TSPAN4: variants seen among roughly 807,000 people sequenced by gnomAD.
The protein encoded by TSPAN4 is tetraspanin-4.
In TSPAN4, 38 loss-of-function variants were observed where a neutral mutation model predicts 31.5. The observed-to-expected ratio is 1.21, with a 90% CI of 0.93 to 1.58. TSPAN4 has a LOEUF of 1.58. Ranked by LOEUF, TSPAN4 falls within the 40% of genes most tolerant of loss-of-function variation. The pLI, the probability that TSPAN4 is intolerant of heterozygous loss-of-function variation, is 0.00. For synonymous variants in TSPAN4, 186 were observed against 144.6 expected (o/e 1.29, Z -2.06); for missense variants, 330 against 317.3 (o/e 1.04, Z -0.30).
At chr11:843,170 G>A (rs1333736929) in intron 1 of TSPAN4, 1 of 152,262 alleles carries the variant, frequency 6.6e-6, no homozygotes, top group East Asian at 1.9e-4. Flanking sequence ...CGGGGTGTCC[G>A]GGGCTCTCGG....
intron 2 of TSPAN4, chr11:849,684 G>GT (rs2133995110): frequency 6.6e-6 from 1 of 151,508 alleles, no homozygotes; most frequent in Admixed American, 6.6e-5. Flanking sequence ...CGGCTGGTGC[G>GT]TTGCCGGGGG....
Position 865,837 on chromosome 11 carries a change from C to G in TSPAN4, c.564+12C>G. The stretch of plus-strand genomic sequence containing the variant: ...CCTGGTGGAAGGCGGTGAGTGAGAC[C>G]CCCACCCTGGGGGCTGGTAGGGGCC... On this transcript the variant is annotated intron_variant, in intron 7 of 8. Transcript: ENST00000397397. 6.2e-7 allele frequency: 1 copy of G among 1,612,198 alleles called. No homozygotes were observed. Among genetic ancestry groups the G allele is most frequent in the Non-Finnish European group, 8.5e-7 (1 of 1,179,670 alleles).
intron 3 of TSPAN4, among the ~76,000 whole-genome samples, chr11:852,787 C>T (rs966224782): frequency 6.6e-6 from 1 of 152,204 alleles, no homozygotes; most frequent in Admixed American, 6.5e-5. Context: ...GGGATACAAC[C>T]TGGCCTCCTC....
At chr11:861,650 T>C (rs1334137680) in intron 3 of TSPAN4, among the ~76,000 whole-genome samples, 1 of 149,542 alleles carries the variant, frequency 6.7e-6, no homozygotes, top group Non-Finnish European at 1.5e-5. Context: ...AGGCGGAGGT[T>C]GCAGTGAGCC....
At position 866,692 on chromosome 11, in the gene TSPAN4, C is replaced by G. The variant is rs1179309350; in HGVS notation, c.*62C>G. 6.7e-7 allele frequency: 1 copy of G among 1,489,292 alleles called. No homozygotes were observed. The highest frequency in any genetic ancestry group is 9.1e-7 in the Non-Finnish European group (1 of 1,094,110). The allele number at this position is 1,489,292 out of a possible 1,614,324, so 92.3% of individuals were successfully genotyped here. A position where few individuals can be genotyped will look rare whatever the true frequency, so the allele number is the denominator to read the frequency against. ...CACGGGGAGATGGCCGCACCCACAG[C>G]TGCCTTTCCCACCACCAGCCTCGGT... On this transcript the variant is annotated 3_prime_UTR_variant, in exon 9 of 9. Transcript: ENST00000397397.
intron 3 of TSPAN4, among the ~76,000 whole-genome samples, chr11:850,773 C>G (rs1464749717): frequency 6.6e-6 from 1 of 152,246 alleles, no homozygotes; most frequent in Non-Finnish European, 1.5e-5. Flanking sequence ...TGCGCCCGCT[C>G]CCTCCTCGGT....
At chr11:862,843 CA>C in intron 4 of TSPAN4, 102 bp downstream of exon 4, 5 of 1,268,320 alleles carry the variant, frequency 3.9e-6, no homozygotes, top group South Asian at 1.6e-5. Context: ...CAGACGTGGG[CA>C]CCACCTCTGG....
intron 3 of TSPAN4, among the ~76,000 whole-genome samples, chr11:861,146 CCCT>C (rs2134050690): frequency 6.6e-6 from 1 of 152,336 alleles, no homozygotes; most frequent in South Asian, 2.1e-4. Context: ...GCGCAGCACC[CCCT>C]CGTCTCCCCC....
chr11:855,544 A>G (rs975709070), intron 3 of TSPAN4, among the ~76,000 whole-genome samples: 13 of 152,242 alleles, frequency 8.5e-5, no homozygotes, highest in African/African-American at 2.9e-4. Flanking sequence ...TGCTTTGGAC[A>G]CTGGCCTCAG....
At chr11:850,216 C>T (rs987248702) in intron 2 of TSPAN4, 72 bp from the exon 3 acceptor site, 2 of 1,299,668 alleles carry the variant, frequency 1.5e-6, no homozygotes, top group Admixed American at 4.3e-5. Flanking sequence ...GCGGCCCAGG[C>T]GCGCTACACG....
At position 862,517 on chromosome 11, in the gene TSPAN4, CCTGT is replaced by C. The variant is rs768977875; in HGVS notation, c.64-28_64-25del. ...TCCAGAGCTTGCATTGGGGCCTCAC[CCTGT>C]CTGTGTCTCTCCTGTTGCTGTGCCC... On this transcript the variant is annotated intron_variant, in intron 3 of 8. Coordinates refer to ENST00000397397, the MANE Select transcript of TSPAN4 (RefSeq NM_003271.5). 58 of 1,567,690 alleles carry C rather than the reference CCTGT, an allele frequency of 3.7e-5. 1 individual carries two copies. The East Asian group carries it at 9.7e-4, about 26-fold the overall frequency.
Position 850,414 on chromosome 11 carries a change from C to T in TSPAN4, c.63+47C>T, listed in dbSNP as rs773789057. 3.2e-6 allele frequency: 5 copies of T among 1,549,138 alleles called. No individual in the cohort carries two copies. In the East Asian group the frequency reaches 9.2e-5, roughly 28 times the overall value. ...GGGGCCCGGGAAAGACCCGGGGTCCCTCCCGCGGCGGGTCGCGGGGTCTGG... is the reference window on the plus strand; with the variant it reads ...GGGGCCCGGGAAAGACCCGGGGTCCTTCCCGCGGCGGGTCGCGGGGTCTGG... On this transcript the variant is annotated intron_variant, in intron 3 of 8. Coordinates refer to ENST00000397397, the MANE Select transcript of TSPAN4 (RefSeq NM_003271.5).
chr11:843,346 T>G (rs1280219391), intron 1 of TSPAN4: 3 of 151,878 alleles, frequency 2.0e-5, no homozygotes, highest in Non-Finnish European at 4.4e-5. Flanking sequence ...CCCTCCCGGG[T>G]CCCGGCTCTG....
intron 1 of TSPAN4, among the ~76,000 whole-genome samples, chr11:845,802 G>T (rs1847288806): frequency 1.3e-5 from 2 of 152,158 alleles, no homozygotes; most frequent in African/African-American, 2.4e-5. Context: ...GGGGACCTCT[G>T]GACTATCTGT....
Position 859,093 on chromosome 11 carries a change from C to G in TSPAN4, c.64-3457C>G, listed in dbSNP as rs377361597. ...CCCGGCACACATGCACCCCGGCTCACACGCACCCCCGGGCTCACACGTGCC... is the reference window on the plus strand; with the variant it reads ...CCCGGCACACATGCACCCCGGCTCAGACGCACCCCCGGGCTCACACGTGCC... On this transcript the variant is annotated intron_variant, in intron 3 of 8. Transcript: ENST00000397397. Among the ~76,000 whole-genome samples, 29 of 141,836 alleles carry G rather than the reference C, an allele frequency of 2.0e-4. 1 individual carries two copies. The South Asian group carries it at 6.7e-3, about 33-fold the overall frequency. The allele number at this position is 141,836 out of a possible 152,430, so 93.0% of individuals were successfully genotyped here.
intron 1 of TSPAN4, chr11:844,408 A>G (rs949014294): frequency 6.6e-6 from 1 of 152,300 alleles, no homozygotes; most frequent in Non-Finnish European, 1.5e-5. Context: ...TGCGCTTCCT[A>G]TCCCTCCATT....
intron 5 of TSPAN4, chr11:864,840 G>T: frequency 2.4e-6 from 1 of 415,584 alleles, no homozygotes. Context: ...GTTCTCCTCT[G>T]TAGAGCGGCC....
In TSPAN4 at chr11:848,919, C is replaced by G; in HGVS notation, c.-17-1369C>G. ...ATGACACCCAGGAGTGCAGGCACAT[C>G]TGCGCACGGGGCCGGTATGTCTGTA... On this transcript the variant is annotated intron_variant, in intron 2 of 8. Coordinates refer to ENST00000397397, the MANE Select transcript of TSPAN4 (RefSeq NM_003271.5). The surrounding 1 kb of genome is among the most constrained non-coding windows in gnomAD (Gnocchi z 5.7). The G allele has an allele frequency of 1.4e-6, 1 of 714,172 alleles. No homozygotes were observed. Among genetic ancestry groups the G allele is most frequent in the Admixed American group, 2.0e-5 (1 of 49,482 alleles). 44.2% of individuals were successfully genotyped at this position (714,172 alleles called of 1,614,324 possible). A position where few individuals can be genotyped will look rare whatever the true frequency, so the allele number is the denominator to read the frequency against.
intron 2 of TSPAN4, 84 bp from the exon 3 acceptor site, chr11:850,204 A>G (rs1037882583): frequency 6.0e-6 from 7 of 1,167,978 alleles, no homozygotes; most frequent in Non-Finnish European, 8.4e-6. Flanking sequence ...CCCGGCCCCA[A>G]GGCGGCCCAG....
Sources: allele counts gnomAD v4.1 joint callset (sites outside exome capture counted in the v4.1 genomes callset), GRCh38; gene constraint gnomAD v4.1.1; non-coding constraint Gnocchi (gnomAD v3.1); transcripts MANE v1.5; gene names NCBI Gene and HGNC (gene_info 2026-07-23, HGNC 2026-07-21).